Variants in CCDC33 observed in about 807,000 individuals in gnomAD.
CCDC33 encodes the protein coiled-coil domain-containing protein 33.
A neutral mutation model predicts 91.9 loss-of-function variants in CCDC33; 94 were observed. That is an observed-to-expected ratio of 1.02 (90% CI 0.87 to 1.21). The LOEUF is 1.21. Among genes scored for constraint, CCDC33 ranks in the 50% most tolerant of loss-of-function variants. The pLI, the probability that CCDC33 is intolerant of heterozygous loss-of-function variation, is 0.00. For synonymous variants in CCDC33, 396 were observed against 374.5 expected (o/e 1.06, Z -0.66); for missense variants, 940 against 935.5 (o/e 1.00, Z -0.06).
chr15:74,331,131 G>GC lies in CCDC33; in HGVS notation c.1677+24dup. 6.2e-7 allele frequency: 1 copy of GC among 1,613,274 alleles called. No homozygotes were observed. The highest frequency in any genetic ancestry group is 8.5e-7 in the Non-Finnish European group (1 of 1,179,544). On this transcript the variant is annotated intron_variant, in intron 14 of 18. Transcript: ENST00000398814. ...AGAGAAGGCAGGTGGCAGAGGGGCT[G>GC]CCCCCGAGGCCAACTGATGATGGCA...
intron 11 of CCDC33, among the ~76,000 whole-genome samples, chr15:74,308,860 C>G (rs1381818619): frequency 6.6e-6 from 1 of 152,152 alleles, no homozygotes; most frequent in Non-Finnish European, 1.5e-5. Flanking sequence ...CTGGAGGCAT[C>G]TCACTCTTCC....
chr15:74,209,692 C>G (rs968025009), intron 2 of CCDC33: 8 of 511,662 alleles, frequency 1.6e-5, no homozygotes, highest in Non-Finnish European at 2.8e-5. Flanking sequence ...CTGCATCCCC[C>G]CTCACCTGAG....
chr15:74,223,441 C>G (rs2074672442), intron 2 of CCDC33, among the ~76,000 whole-genome samples: 1 of 152,170 alleles, frequency 6.6e-6, no homozygotes, highest in South Asian at 2.1e-4. Context: ...ACACAGAGGA[C>G]TGGAGGCCAG....
At chr15:74,326,504 C>T (rs2060312739) in intron 11 of CCDC33, among the ~76,000 whole-genome samples, 1 of 152,198 alleles carries the variant, frequency 6.6e-6, no homozygotes, top group South Asian at 2.1e-4. Context: ...AGAGAACAGC[C>T]TCCCTTCCAG....
rs146708160 is a variant in CCDC33, at chr15:74,256,859, G to A, written c.186-5581G>A. ...GTGGGCTGTGGCTTTCTCCTTGTCC[G>A]CCATGGGTGGAAAGGAGGGGTACCC... is the stretch of plus-strand genomic sequence containing the variant. On this transcript the variant is annotated intron_variant, in intron 2 of 18. Transcript: ENST00000398814. Among the ~76,000 whole-genome samples, 184 of 152,362 alleles carry A rather than the reference G, an allele frequency of 1.2e-3. No individual in the cohort carries two copies. In the East Asian group the frequency reaches 0.015, roughly 12 times the overall value.
downstream of CCDC33, chr15:74,336,289 C>A: frequency 8.5e-6 from 12 of 1,413,210 alleles, no homozygotes; most frequent in Non-Finnish European, 1.1e-5. Flanking sequence ...AGCCAAGGGC[C>A]ACAGTGGACC....
intron 11 of CCDC33, chr15:74,318,530 C>T (rs2060139584): frequency 3.0e-6 from 2 of 672,502 alleles, no homozygotes; most frequent in Non-Finnish European, 5.3e-6. Flanking sequence ...CAGGCAGGCA[C>T]TTGTTGTAGC....
At chr15:74,280,832 G>A (rs759568730) in intron 9 of CCDC33, 31 bp downstream of exon 9, 1 of 1,436,024 alleles carries the variant, frequency 7.0e-7, no homozygotes, top group South Asian at 1.6e-5. Flanking sequence ...TGGGCCCCTA[G>A]CGTGCCCACC....
intron 1 of CCDC33, 39 bp downstream of exon 1, chr15:74,236,779 C>T (rs201916801): frequency 1.8e-5 from 29 of 1,606,324 alleles, no homozygotes; most frequent in Middle Eastern, 1.7e-4. Flanking sequence ...TGCATGAATC[C>T]GTCCCTCCTT....
chr15:74,204,922 CA>C, intron 1 of CCDC33, among the ~76,000 whole-genome samples: 1 of 149,440 alleles, frequency 6.7e-6, no homozygotes, highest in East Asian at 2.0e-4. Flanking sequence ...ACAAAAGAGG[CA>C]AACTCCATCT....
rs2060543689 is a variant in CCDC33 at position 74,335,330 on chromosome 15, T to C, written c.2139+242T>C. The C allele has an allele frequency of 4.9e-6, 3 of 606,800 alleles. No homozygotes were observed. The Admixed American group carries it at 8.7e-5, about 18-fold the overall frequency. The allele number at this position is 606,800 out of a possible 1,614,324, so 37.6% of individuals were successfully genotyped here. ...AACTACCCTTTCCCCCATGGGGTGCTGTGAAACTCAAGGAGATGACTGTGG... is the reference window on the plus strand; with the variant it reads ...AACTACCCTTTCCCCCATGGGGTGCCGTGAAACTCAAGGAGATGACTGTGG... On this transcript the variant is annotated intron_variant, in intron 18 of 18. Coordinates refer to ENST00000398814, the MANE Select transcript of CCDC33 (RefSeq NM_025055.5).
At chr15:74,255,990 T>G (rs1268578546) in intron 2 of CCDC33, among the ~76,000 whole-genome samples, 1 of 152,246 alleles carries the variant, frequency 6.6e-6, no homozygotes, top group African/African-American at 2.4e-5. Context: ...CCCTTCTTCT[T>G]TCTTTCAGCA....
At chr15:74,305,454 C>A (rs2059875835) in intron 11 of CCDC33, among the ~76,000 whole-genome samples, 1 of 152,156 alleles carries the variant, frequency 6.6e-6, no homozygotes, top group African/African-American at 2.4e-5. Flanking sequence ...AGCCCCCCAG[C>A]CTAACTGGGG....
At chr15:74,289,439 C>T (rs951107648) in intron 10 of CCDC33, among the ~76,000 whole-genome samples, 1 of 152,182 alleles carries the variant, frequency 6.6e-6, no homozygotes, top group African/African-American at 2.4e-5. Flanking sequence ...CCAGGCTGGG[C>T]CTAGTGGCTC....
At chr15:74,290,182 C>T (rs1403695938) in intron 10 of CCDC33, among the ~76,000 whole-genome samples, 1 of 145,546 alleles carries the variant, frequency 6.9e-6, no homozygotes. Flanking sequence ...GTTTCTTTTC[C>T]TTTTTTTTTT....
chr15:74,261,235 T>C (rs922219089), intron 2 of CCDC33, among the ~76,000 whole-genome samples: 1 of 152,144 alleles, frequency 6.6e-6, no homozygotes, highest in African/African-American at 2.4e-5. Context: ...CCTGCAAGCA[T>C]GGTTACCCAC....
Position 74,272,789 on chromosome 15 carries a change from G to A in CCDC33, c.657G>A (p.Arg219=). The A allele has an allele frequency of 6.2e-7, 1 of 1,614,138 alleles. No individual in the cohort carries two copies. Among genetic ancestry groups the A allele is most frequent in the Non-Finnish European group, 8.5e-7 (1 of 1,180,010 alleles). ...TCCCCAGGGTCAGCCAGGCTAACAGGGACCTGGCCTCTGTGGGGCTGCCCA... is the reference window on the plus strand; with the variant it reads ...TCCCCAGGGTCAGCCAGGCTAACAGAGACCTGGCCTCTGTGGGGCTGCCCA... ...YKEFKVSQAN[R]DLASVGLPIT... Residue 219 remains arginine (R), a synonymous_variant, in exon 7 of 19, where the codon AGG becomes AGA. Coordinates refer to ENST00000398814, the MANE Select transcript of CCDC33 (RefSeq NM_025055.5).
intron 2 of CCDC33, among the ~76,000 whole-genome samples, chr15:74,255,053 A>C (rs2075819525): frequency 6.6e-6 from 1 of 151,230 alleles, no homozygotes; most frequent in Non-Finnish European, 1.5e-5. Context: ...TGGCCTCTAT[A>C]CTTTTTAAGA....
At chr15:74,335,326 G>A (rs928579640) in intron 18 of CCDC33, 5 of 607,974 alleles carry the variant, frequency 8.2e-6, no homozygotes, top group Non-Finnish European at 1.5e-5. Context: ...CCCCCATGGG[G>A]TGCTGTGAAA....
Sources: gnomAD v4.1 joint callset for allele counts (sites outside exome capture counted in the v4.1 genomes callset) on GRCh38, gnomAD v4.1.1 for gene constraint, MANE v1.5 for transcripts, NCBI Gene and HGNC (gene_info 2026-07-23, HGNC 2026-07-21) for gene names.